The following NAA15 variants were observed in gnomAD, a reference collection of about 807,000 sequenced individuals.
NAA15 encodes the protein N-alpha-acetyltransferase 15, NatA auxiliary subunit, also known as N-terminal acetyltransferase.
Under a neutral mutation model 114.0 loss-of-function variants are expected in NAA15, and 34 were observed. That is an observed-to-expected ratio of 0.30 (90% CI 0.23 to 0.40). NAA15 has a LOEUF of 0.40. Among genes scored for constraint, NAA15 ranks in the 10% least tolerant of loss-of-function variants. The pLI, the probability that NAA15 is intolerant of heterozygous loss-of-function variation, is 1.00. For missense variants in NAA15, 658 were observed against 1,004.5 expected (o/e 0.66, Z 4.66); for synonymous variants, 340 against 338.0 (o/e 1.01, Z -0.06).
rs117188208 is a variant in NAA15, at chr4:139,305,791, C to G, written c.54+3960C>G. Reference sequence around the variant, plus strand: ...TCAAGTGATCCACCCGCCTTGGCCTCCCAGAATGCTGGGATTACAGGCCTG... The same window carrying G: ...TCAAGTGATCCACCCGCCTTGGCCTGCCAGAATGCTGGGATTACAGGCCTG... On this transcript the variant is annotated intron_variant, in intron 1 of 19. Coordinates refer to ENST00000296543, the MANE Select transcript of NAA15 (RefSeq NM_057175.5). Among the ~76,000 whole-genome samples, 397 of 152,306 alleles carry G rather than the reference C, an allele frequency of 2.6e-3. 10 individuals carry two copies. In the East Asian group the frequency reaches 0.058, roughly 22 times the overall value.
intron 11 of NAA15, 37 bp downstream of exon 11, chr4:139,357,592 G>A (rs1400733220): frequency 2.2e-6 from 3 of 1,342,708 alleles, no homozygotes; most frequent in Middle Eastern, 1.9e-4. Context: ...ATAAGGTAAT[G>A]AGACTTGTCA....
chr4:139,349,179 G>A (rs1462659237), intron 6 of NAA15, among the ~76,000 whole-genome samples: 1 of 152,028 alleles, frequency 6.6e-6, no homozygotes, highest in Non-Finnish European at 1.5e-5. Flanking sequence ...CTTGGTGACA[G>A]TGTGTTGAGT....
At chr4:139,335,513 G>A (rs1395486297) in intron 2 of NAA15, among the ~76,000 whole-genome samples, 1 of 151,370 alleles carries the variant, frequency 6.6e-6, no homozygotes, top group Non-Finnish European at 1.5e-5. Flanking sequence ...TTACAGGCGT[G>A]TGCCACCATG....
chr4:139,335,238 T>C (rs868312306), intron 2 of NAA15, among the ~76,000 whole-genome samples: 1 of 152,216 alleles, frequency 6.6e-6, no homozygotes, highest in Non-Finnish European at 1.5e-5. Flanking sequence ...TTATTTTTGC[T>C]GACCAGCTGA....
chr4:139,367,580 T>G (rs911774865), intron 14 of NAA15, among the ~76,000 whole-genome samples: 17 of 152,302 alleles, frequency 1.1e-4, no homozygotes, highest in Middle Eastern at 3.4e-3. Flanking sequence ...TTAGAAGTTT[T>G]ATTGTTTGAG....
chr4:139,330,149 T>C (rs959804112), intron 1 of NAA15, among the ~76,000 whole-genome samples: 2 of 152,222 alleles, frequency 1.3e-5, no homozygotes, highest in Non-Finnish European at 2.9e-5. Flanking sequence ...TTCAGAAAGC[T>C]GAAGGTTTTA....
Position 139,357,489 on chromosome 4 carries a change from A to G in NAA15, c.1191A>G (p.Ile397Met). 1 of 1,612,760 alleles carries G rather than the reference A, an allele frequency of 6.2e-7. No individual in the cohort carries two copies. Among genetic ancestry groups the G allele is most frequent in the Non-Finnish European group, 8.5e-7 (1 of 1,178,818 alleles). Reference sequence around the variant, plus strand: ...AGCCATCTATTGCTTTGGAGTACATAAATACTGCTATTGAAAGTACACCTA... The same window carrying G: ...AGCCATCTATTGCTTTGGAGTACATGAATACTGCTATTGAAAGTACACCTA... ...IGQPSIALEYINTAIESTPTL... is the reference protein window; with the variant it reads ...IGQPSIALEYMNTAIESTPTL... Residue 397 changes from isoleucine to methionine, a missense_variant, in exon 11 of 20, where the codon ATA (isoleucine) becomes ATG (methionine). By Grantham distance (10) the Ile-to-Met change is conservative. Around this residue, in one of 6 missense-constraint regions of NAA15, gnomAD observed 281 missense variants for 389.1 expected, o/e 0.72. Transcript: ENST00000296543.
intron 15 of NAA15, among the ~76,000 whole-genome samples, chr4:139,373,266 T>C (rs1019445320): frequency 3.3e-5 from 5 of 152,192 alleles, no homozygotes; most frequent in Non-Finnish European, 7.4e-5. Flanking sequence ...TTAGGCTCTA[T>C]GGTATAGCTG....
chr4:139,347,352 T>G (rs1262239832), intron 6 of NAA15, among the ~76,000 whole-genome samples: 1 of 152,042 alleles, frequency 6.6e-6, no homozygotes, highest in African/African-American at 2.4e-5. Flanking sequence ...TATGGGCTTG[T>G]AAGGCATGGT....
chr4:139,360,643 C>T lies in NAA15; in HGVS notation c.1539+15C>T. ...AGATTGAGAGAGTAAGTACCTTCTA[C>T]ATAAAAGTTTTCTTGTTTTATTCTG... On this transcript the variant is annotated intron_variant, in intron 13 of 19. Transcript: ENST00000296543. 6.4e-7 allele frequency: 1 copy of T among 1,562,532 alleles called. No individual in the cohort carries two copies. The highest frequency in any genetic ancestry group is 2.3e-5 in the East Asian group (1 of 42,618).
chr4:139,314,998 C>CAGTTTAGTTTAGTTTAGTTTAGTTT (rs147452755), intron 1 of NAA15, among the ~76,000 whole-genome samples: 4,699 of 65,736 alleles, frequency 0.071, 314 homozygotes, highest in Middle Eastern at 0.11. Context: ...CAGTTCAGTT[C>CAGTTTAGTTTAGTTTAGTTTAGTTT]AGTTTAGTTT....
intron 11 of NAA15, among the ~76,000 whole-genome samples, chr4:139,359,493 G>A (rs1199857640): frequency 6.6e-6 from 1 of 152,096 alleles, no homozygotes; most frequent in Non-Finnish European, 1.5e-5. Context: ...GGGCAATGGC[G>A]ATATTAACAG....
chr4:139,370,491 AACCTT>A, intron 15 of NAA15, 87 bp downstream of exon 15: 1 of 1,291,956 alleles, frequency 7.7e-7, no homozygotes, highest in Non-Finnish European at 1.0e-6. Context: ...GACAGTATAT[AACCTT>A]ATGTGATATA....
At chr4:139,364,027 C>T (rs1049619051) in intron 14 of NAA15, among the ~76,000 whole-genome samples, 3 of 152,260 alleles carry the variant, frequency 2.0e-5, no homozygotes, top group East Asian at 1.9e-4. Flanking sequence ...ACTACAGGTG[C>T]GTGCCACTGC....
chr4:139,370,213 A>C lies in NAA15; in HGVS notation c.1756A>C (p.Asn586His), dbSNP rs1350535428. The change falls in exon 15 of 20, where the codon AAC (asparagine) becomes CAC (histidine). Residue 586 changes from asparagine to histidine, a missense_variant and splice_region_variant. By Grantham distance (68) the Asn-to-His change is moderately conservative. This residue lies in a region of NAA15 where 275 missense variants were observed against 371.1 expected (regional missense o/e 0.74). Transcript: ENST00000296543. Reference sequence around the variant, plus strand: ...ATTAATTAACTTATTGCCTGCAGCAAACATGTCTGACAAAGAGCTAAAGAA... The same window carrying C: ...ATTAATTAACTTATTGCCTGCAGCACACATGTCTGACAAAGAGCTAAAGAA... ...ENKEHEADTANMSDKELKKLR... is the reference protein window; with the variant it reads ...ENKEHEADTAHMSDKELKKLR... 6.5e-7 allele frequency: 1 copy of C among 1,532,662 alleles called. No individual in the cohort carries two copies. 94.9% of individuals were successfully genotyped at this position (1,532,662 alleles called of 1,614,324 possible). A position where few individuals can be genotyped will look rare whatever the true frequency, so the allele number is the denominator to read the frequency against.
intron 17 of NAA15, 77 bp downstream of exon 17, chr4:139,378,931 T>A (rs1389128743): frequency 1.1e-6 from 1 of 876,904 alleles, no homozygotes. Flanking sequence ...TGTACAAGTT[T>A]ATCATAAACC....
chr4:139,325,792 G>T (rs1746781550), intron 1 of NAA15, among the ~76,000 whole-genome samples: 1 of 152,140 alleles, frequency 6.6e-6, no homozygotes, highest in Non-Finnish European at 1.5e-5. Context: ...GGGAGTACAG[G>T]CATGCCACCA....
intron 4 of NAA15, among the ~76,000 whole-genome samples, chr4:139,342,309 T>C (rs2110914132): frequency 6.6e-6 from 1 of 152,248 alleles, no homozygotes; most frequent in Non-Finnish European, 1.5e-5. Flanking sequence ...TTAAATCTGG[T>C]CTTAAGTTTT....
chr4:139,345,920 C>T (rs767207062), intron 6 of NAA15, among the ~76,000 whole-genome samples: 1 of 144,174 alleles, frequency 6.9e-6, no homozygotes, highest in Admixed American at 6.9e-5. Context: ...GACTCCGTAT[C>T]AAAAAAAAAA....
Sources: gnomAD v4.1 joint callset for allele counts (sites outside exome capture counted in the v4.1 genomes callset) on GRCh38, gnomAD v4.1.1 for gene constraint, gnomAD v4.1.1 regional missense constraint, MANE v1.5 for transcripts, NCBI Gene and HGNC (gene_info 2026-07-23, HGNC 2026-07-21) for gene names.